Variants in PSD3 observed in about 807,000 individuals in gnomAD.
PSD3 encodes the protein PH and SEC7 domain-containing protein 3.
PSD3 carries 49 observed loss-of-function variants against 105.5 expected under a neutral mutation model. That is an observed-to-expected ratio of 0.46 (90% CI 0.37 to 0.59). The LOEUF is 0.59. Among genes scored for constraint, PSD3 ranks in the 20% least tolerant of loss-of-function variants. The probability of loss-of-function intolerance (pLI) is 0.00; values close to 1 mark genes in which losing one functional copy is unlikely to be tolerated. For missense variants in PSD3, 1,561 were observed against 1,263.8 expected, an observed-to-expected ratio of 1.24 and a Z score of -3.57; for synonymous variants, 557 against 457.8, an observed-to-expected ratio of 1.22 and a Z score of -2.77.
At chr8:19,007,253 A>G (rs75007198) in intron 1 of PSD3, among the ~76,000 whole-genome samples, 18,447 of 115,618 alleles carry the variant, frequency 0.16, 1,309 homozygotes, top group Non-Finnish European at 0.19. Flanking sequence ...CCCTGTCTCA[A>G]AAAAAATAAA....
chr8:18,743,522 T>C (rs969817057), intron 9 of PSD3, among the ~76,000 whole-genome samples: 14 of 152,240 alleles, frequency 9.2e-5, no homozygotes, highest in African/African-American at 2.9e-4. Flanking sequence ...CAGTCTTTAC[T>C]TGGATGGGGG....
At position 18,872,533 on chromosome 8, in the gene PSD3, G is replaced by C; in HGVS notation, c.331C>G (p.Pro111Ala). ...GAGGGGGCCTCTCTGACATCTTTTG[G>C]TCCTTCTGTAACACTGTCGAGCCCA... ...HSGLDSVTEG[P>A]KDVREAPSQS... The change falls in exon 3 of 16, where the codon CCA becomes GCA. Residue 111 changes from proline to alanine, a missense_variant. By Grantham distance (27) the Pro-to-Ala change is conservative. Transcript: ENST00000327040. The C allele has an allele frequency of 6.2e-7, 1 of 1,614,054 alleles. No homozygotes were observed. Among genetic ancestry groups the C allele is most frequent in the Non-Finnish European group, 8.5e-7 (1 of 1,179,996 alleles).
At chr8:18,759,092 A>ACACACACACACACTCTCTCT (rs756248977) in intron 9 of PSD3, among the ~76,000 whole-genome samples, 5 of 143,864 alleles carry the variant, frequency 3.5e-5, no homozygotes, top group Non-Finnish European at 4.6e-5. Context: ...ACACACACAC[A>ACACACACACACACTCTCTCT]CTCTCTCTCT....
At chr8:19,042,524 T>A (rs56768160) in intron 1 of PSD3, among the ~76,000 whole-genome samples, 14,815 of 152,258 alleles carry the variant, frequency 0.097, 905 homozygotes, top group Non-Finnish European at 0.15. Flanking sequence ...AAAGTAGGGT[T>A]TTTGTGTTTT....
At chr8:18,896,436 C>T (rs1219434626) in intron 2 of PSD3, among the ~76,000 whole-genome samples, 1 of 152,142 alleles carries the variant, frequency 6.6e-6, no homozygotes, top group South Asian at 2.1e-4. Flanking sequence ...ATTTTTGAGA[C>T]AGGGTCTCGC....
intron 8 of PSD3, among the ~76,000 whole-genome samples, chr8:18,777,053 G>T (rs1233556076): frequency 1.3e-5 from 2 of 151,470 alleles, no homozygotes; most frequent in Admixed American, 6.6e-5. Flanking sequence ...TTTGCCTTTT[G>T]TTTTTTTGAG....
intron 2 of PSD3, among the ~76,000 whole-genome samples, chr8:18,911,591 G>C (rs1438314663): frequency 1.3e-5 from 2 of 152,162 alleles, no homozygotes; most frequent in Non-Finnish European, 2.9e-5. Context: ...AATACAAAAA[G>C]TTCCTAGCAG....
At chr8:18,681,591 A>G (rs1800394436) in intron 9 of PSD3, among the ~76,000 whole-genome samples, 1 of 152,154 alleles carries the variant, frequency 6.6e-6, no homozygotes, top group African/African-American at 2.4e-5. Flanking sequence ...AAATGGGAGA[A>G]GTGATGCTTA....
rs548156411 is a variant in PSD3, at chr8:18,590,626, C to G, written c.2481+9738G>C. ...TGTGCCCCATGACACCCCTAGGAATCTTAAGAAAATAAAAGAGATATGTGC... is the reference window on the plus strand; with the variant it reads ...TGTGCCCCATGACACCCCTAGGAATGTTAAGAAAATAAAAGAGATATGTGC... On this transcript the variant is annotated intron_variant, in intron 12 of 15. Coordinates refer to ENST00000327040, the MANE Select transcript of PSD3 (RefSeq NM_015310.4). Among the ~76,000 whole-genome samples the G allele has an allele frequency of 1.2e-4, 18 of 151,950 alleles. 1 individual carries two copies. In the South Asian group the frequency reaches 3.7e-3, roughly 32 times the overall value.
chr8:19,056,997 C>G (rs560689908), intron 1 of PSD3, among the ~76,000 whole-genome samples: 1 of 152,200 alleles, frequency 6.6e-6, no homozygotes, highest in African/African-American at 2.4e-5. Flanking sequence ...CTTGCTATCA[C>G]CAAACCTATA....
intron 11 of PSD3, among the ~76,000 whole-genome samples, chr8:18,602,792 G>A (rs987051863): frequency 3.3e-5 from 5 of 152,134 alleles, no homozygotes; most frequent in African/African-American, 1.2e-4. Flanking sequence ...CACACATACA[G>A]TGCCGCTGTT....
intron 4 of PSD3, among the ~76,000 whole-genome samples, chr8:18,835,051 A>T (rs1813993961): frequency 6.6e-6 from 1 of 152,244 alleles, no homozygotes; most frequent in South Asian, 2.1e-4. Context: ...GGTTAAGATA[A>T]AAAAGCACTT....
intron 14 of PSD3, among the ~76,000 whole-genome samples, chr8:18,565,816 T>A (rs947978611): frequency 6.6e-6 from 1 of 152,154 alleles, no homozygotes; most frequent in Non-Finnish European, 1.5e-5. Context: ...GGTTGGATTT[T>A]GACCCCAGAA....
intron 10 of PSD3, among the ~76,000 whole-genome samples, chr8:18,643,959 G>A (rs1259585185): frequency 2.0e-5 from 3 of 152,360 alleles, no homozygotes; most frequent in African/African-American, 7.2e-5. Flanking sequence ...CACGGCTGGG[G>A]TAGCCAAGGA....
chr8:18,890,628 T>C (rs1252789987), intron 2 of PSD3, among the ~76,000 whole-genome samples: 1 of 152,218 alleles, frequency 6.6e-6, no homozygotes, highest in African/African-American at 2.4e-5. Flanking sequence ...TATAAAAGGT[T>C]TGTATGCTGG....
intron 2 of PSD3, among the ~76,000 whole-genome samples, chr8:18,931,190 T>C (rs1444712480): frequency 6.6e-6 from 1 of 152,182 alleles, no homozygotes; most frequent in East Asian, 1.9e-4. Flanking sequence ...GTATTCTACA[T>C]ACAAGTCTTT....
chr8:19,062,208 C>T (rs1586681623), intron 1 of PSD3, among the ~76,000 whole-genome samples: 1 of 152,298 alleles, frequency 6.6e-6, no homozygotes, highest in Middle Eastern at 3.4e-3. Flanking sequence ...TAACTAAGGA[C>T]ATAGAATTAG....
intron 9 of PSD3, among the ~76,000 whole-genome samples, chr8:18,723,583 G>A (rs951200091): frequency 6.6e-6 from 1 of 152,026 alleles, no homozygotes; most frequent in African/African-American, 2.4e-5. Flanking sequence ...TTGAGGTGGG[G>A]GAAAAAAACC....
At chr8:18,697,780 C>A (rs967898403) in intron 9 of PSD3, among the ~76,000 whole-genome samples, 10 of 152,156 alleles carry the variant, frequency 6.6e-5, no homozygotes, top group Non-Finnish European at 1.2e-4. Context: ...AATAACCTCT[C>A]CAGTTCCTTC....
Sources: gnomAD v4.1 joint callset for allele counts (sites outside exome capture counted in the v4.1 genomes callset) on GRCh38, gnomAD v4.1.1 for gene constraint, MANE v1.5 for transcripts, NCBI Gene and HGNC (gene_info 2026-07-23, HGNC 2026-07-21) for gene names.